Variants in SPATA12 observed in about 807,000 individuals in gnomAD.
The protein encoded by SPATA12 is spermatogenesis associated 12.
For synonymous variants in SPATA12, 85 were observed against 89.2 expected (o/e 0.95, Z 0.26); for missense variants, 219 against 226.4 (o/e 0.97, Z 0.21).
chr3:57,067,931 A>C (rs951331387), intron 1 of SPATA12, among the ~76,000 whole-genome samples: 6 of 152,012 alleles, frequency 3.9e-5, no homozygotes, highest in African/African-American at 1.5e-4. Flanking sequence ...CAGAGCTTGC[A>C]GTGAGCCAAG....
At chr3:57,064,578 G>C (rs1389608324) in intron 1 of SPATA12, among the ~76,000 whole-genome samples, 1 of 152,152 alleles carries the variant, frequency 6.6e-6, no homozygotes, top group African/African-American at 2.4e-5. Context: ...TCGGTGCTGG[G>C]ATTACAGGCA....
intron 1 of SPATA12, among the ~76,000 whole-genome samples, chr3:57,069,260 T>C (rs1214428741): frequency 6.6e-6 from 1 of 152,142 alleles, no homozygotes; most frequent in African/African-American, 2.4e-5. Flanking sequence ...ATATATTCTA[T>C]TGCATGTAAG....
chr3:57,068,168 T>TACACAC (rs55876198), intron 1 of SPATA12, among the ~76,000 whole-genome samples: 4,852 of 149,050 alleles, frequency 0.033, 219 homozygotes, highest in African/African-American at 0.1. Flanking sequence ...CACACACACA[T>TACACAC]ACACACACAC....
chr3:57,065,306 A>G lies in SPATA12; in HGVS notation c.-330+4520A>G, dbSNP rs146442253. Among the ~76,000 whole-genome samples the G allele has an allele frequency of 3.7e-4, 56 of 152,246 alleles. 1 individual carries two copies. In the East Asian group the frequency reaches 0.011, roughly 29 times the overall value. On this transcript the variant is annotated intron_variant, in intron 1 of 1. Coordinates refer to ENST00000334325, the MANE Select transcript of SPATA12 (RefSeq NM_181727.2). ...GTGAAACCCTATCTCTACGAAAAAT[A>G]CAAAATTAGCCGGGTGTGATGGTGT...
At chr3:57,063,140 A>G (rs983660169) in intron 1 of SPATA12, among the ~76,000 whole-genome samples, 4 of 152,212 alleles carry the variant, frequency 2.6e-5, no homozygotes, top group African/African-American at 9.6e-5. Context: ...CATTTTGGGC[A>G]GCGGGAATAG....
Position 57,073,428 on chromosome 3 carries a change from T to C in SPATA12, c.-267T>C, listed in dbSNP as rs1015777438. 19 of 399,604 alleles carry C rather than the reference T, an allele frequency of 4.8e-5. No homozygotes were observed. Among genetic ancestry groups the C allele is most frequent in the Admixed American group, 1.2e-4 (3 of 24,164 alleles). The allele number at this position is 399,604 out of a possible 1,614,324, so 24.8% of individuals were successfully genotyped here. A position where few individuals can be genotyped will look rare whatever the true frequency, so the allele number is the denominator to read the frequency against. ...TGGGCAGCGTGGGAAGCTGTGAAAG[T>C]GGACAAGCGTGAAAGAGCTTCCAAG... is the stretch of plus-strand genomic sequence containing the variant. On this transcript the variant is annotated 5_prime_UTR_variant, in exon 2 of 2. Transcript: ENST00000334325.
At position 57,074,342 on chromosome 3, in the gene SPATA12, T is replaced by C; in HGVS notation, c.*75T>C. 7.6e-7 allele frequency: 1 copy of C among 1,324,354 alleles called. No homozygotes were observed. Among genetic ancestry groups the C allele is most frequent in the Non-Finnish European group, 1.1e-6 (1 of 941,800 alleles). The allele number at this position is 1,324,354 out of a possible 1,614,324, so 82.0% of individuals were successfully genotyped here. Reference sequence around the variant, plus strand: ...CCTTTGCACATGCTATGCCCTCCCTTCCATCCCCCACCCCCACCAGGGGTG... The same window carrying C: ...CCTTTGCACATGCTATGCCCTCCCTCCCATCCCCCACCCCCACCAGGGGTG... On this transcript the variant is annotated 3_prime_UTR_variant, in exon 2 of 2. Coordinates refer to ENST00000334325, the MANE Select transcript of SPATA12 (RefSeq NM_181727.2).
In SPATA12 at chr3:57,074,221, C is replaced by T. The variant is rs755882224; in HGVS notation, c.527C>T (p.Ser176Phe). 6.2e-6 allele frequency: 10 copies of T among 1,613,854 alleles called. No individual in the cohort carries two copies. In the African/African-American group the frequency reaches 9.4e-5, roughly 15 times the overall value. ...LTFTEGCFVRSLSTVYSNTHI... is the reference protein window; with the variant it reads ...LTFTEGCFVRFLSTVYSNTHI... ...TTTACTGAGGGCTGCTTTGTCAGGT[C>T]CCTCTCTACAGTATACTCCAACACA... Residue 176 changes from serine to phenylalanine, a missense_variant, in exon 2 of 2, where the codon TCC (serine) becomes TTC (phenylalanine). Ser to Phe is a radical substitution (Grantham distance 155). Coordinates refer to ENST00000334325, the MANE Select transcript of SPATA12 (RefSeq NM_181727.2).
chr3:57,069,936 C>A (rs943558787), intron 1 of SPATA12, among the ~76,000 whole-genome samples: 8 of 152,214 alleles, frequency 5.3e-5, no homozygotes, highest in Non-Finnish European at 1.0e-4. Context: ...TGAGCCACTG[C>A]GCCTGGCCTA....
intron 1 of SPATA12, among the ~76,000 whole-genome samples, chr3:57,063,608 CT>C (rs756201694): frequency 6.6e-6 from 1 of 152,054 alleles, no homozygotes; most frequent in Non-Finnish European, 1.5e-5. Context: ...TGGGGTGCTC[CT>C]TAACAGAGAT....
intron 1 of SPATA12, among the ~76,000 whole-genome samples, chr3:57,069,371 T>TCTCAAACACACA (rs1705748485): frequency 2.7e-5 from 3 of 111,816 alleles, no homozygotes; most frequent in Non-Finnish European, 5.5e-5. Flanking sequence ...AATCTCTGTC[T>TCTCAAACACACA]CTCAAACACA....
Position 57,075,318 on chromosome 3 carries a change from C to T in SPATA12, c.*1051C>T, listed in dbSNP as rs1228059812. 1 of 167,156 alleles carries T rather than the reference C, an allele frequency of 6.0e-6. No homozygotes were observed. The highest frequency in any genetic ancestry group is 2.1e-4 in the South Asian group (1 of 4,822). The allele number at this position is 167,156 out of a possible 1,614,324, so 10.4% of individuals were successfully genotyped here. ...CTCCACCACTGGGATGTAAACTCCA[C>T]AAGGGAGGAATGCTGTCAGTTTCTT... is the stretch of plus-strand genomic sequence containing the variant. On this transcript the variant is annotated 3_prime_UTR_variant, in exon 2 of 2. Transcript: ENST00000334325.
intron 1 of SPATA12, among the ~76,000 whole-genome samples, chr3:57,068,245 G>C (rs993040149): frequency 6.6e-6 from 1 of 152,042 alleles, no homozygotes; most frequent in Admixed American, 6.6e-5. Context: ...AAAAACATGG[G>C]AGAAGCCACC....
intron 1 of SPATA12, among the ~76,000 whole-genome samples, chr3:57,062,170 T>TCAAA (rs10631759): frequency 0.86 from 131,272 of 151,806 alleles, 56,833 homozygotes; most frequent in East Asian, 0.96. Context: ...CTGGAGCAGC[T>TCAAA]CAGTCATGTG....
chr3:57,070,971 C>CA (rs1231328722), intron 1 of SPATA12, among the ~76,000 whole-genome samples: 5,276 of 49,550 alleles, frequency 0.11, 330 homozygotes, highest in African/African-American at 0.28. Context: ...GACTCTGTCA[C>CA]AAAAAAAAAA....
chr3:57,070,573 C>A (rs1410733835), intron 1 of SPATA12, among the ~76,000 whole-genome samples: 2 of 152,126 alleles, frequency 1.3e-5, no homozygotes, highest in Non-Finnish European at 2.9e-5. Context: ...GTCAATGTAA[C>A]CCCTGTCAAA....
At chr3:57,064,064 C>A (rs576397360) in intron 1 of SPATA12, among the ~76,000 whole-genome samples, 8 of 152,198 alleles carry the variant, frequency 5.3e-5, no homozygotes, top group African/African-American at 1.9e-4. Flanking sequence ...CTCAGGGGCT[C>A]GAGACCAGCC....
At chr3:57,062,394 T>C (rs1016773721) in intron 1 of SPATA12, among the ~76,000 whole-genome samples, 11 of 152,232 alleles carry the variant, frequency 7.2e-5, no homozygotes, top group African/African-American at 2.6e-4. Flanking sequence ...GGAACCATGA[T>C]AGGCCCAGCC....
chr3:57,068,570 TAAG>T (rs1273827557), intron 1 of SPATA12, among the ~76,000 whole-genome samples: 2 of 152,176 alleles, frequency 1.3e-5, no homozygotes, highest in Non-Finnish European at 2.9e-5. Flanking sequence ...AGTGATTTGT[TAAG>T]AAAACCATTT....
Sources: gnomAD v4.1 joint callset for allele counts (sites outside exome capture counted in the v4.1 genomes callset) on GRCh38, gnomAD v4.1.1 for gene constraint, MANE v1.5 for transcripts, NCBI Gene and HGNC (gene_info 2026-07-23, HGNC 2026-07-21) for gene names.